Variants in LGR5 observed in about 807,000 individuals in gnomAD.
The protein encoded by LGR5 is leucine-rich repeat-containing G protein-coupled receptor 5.
In LGR5, 54 loss-of-function variants were observed where a neutral mutation model predicts 76.7. That is an observed-to-expected ratio of 0.70 (90% confidence interval 0.57 to 0.88). The LOEUF (loss-of-function observed/expected upper bound fraction) is 0.88. LGR5 is among the 40% of genes least tolerant of loss of function. The probability of loss-of-function intolerance (pLI) is 0.00; values close to 1 mark genes in which losing one functional copy is unlikely to be tolerated. For missense variants in LGR5, 1,078 were observed against 1,073.3 expected (o/e 1.00, Z -0.06); for synonymous variants, 406 against 421.9 (o/e 0.96, Z 0.46).
At chr12:71,522,129 C>G (rs1350077550) in intron 2 of LGR5, among the ~76,000 whole-genome samples, 1 of 152,180 alleles carries the variant, frequency 6.6e-6, no homozygotes, top group Non-Finnish European at 1.5e-5. Flanking sequence ...TAGTCTGGTT[C>G]AGTTCTAGCA....
chr12:71,519,396 A>G (rs564145830), intron 2 of LGR5, among the ~76,000 whole-genome samples: 9 of 152,164 alleles, frequency 5.9e-5, no homozygotes, highest in African/African-American at 2.2e-4. Context: ...ATGTTATATT[A>G]TTCACTTGAG....
intron 1 of LGR5, among the ~76,000 whole-genome samples, chr12:71,444,117 G>A (rs1425499925): frequency 2.6e-5 from 4 of 151,868 alleles, no homozygotes; most frequent in Admixed American, 2.6e-4. Flanking sequence ...TCCTTTTTAG[G>A]ATCTTCTTTG....
chr12:71,560,784 T>C (rs1454969978), intron 7 of LGR5, among the ~76,000 whole-genome samples: 1 of 152,120 alleles, frequency 6.6e-6, no homozygotes, highest in African/African-American at 2.4e-5. Context: ...CAGAACAAGA[T>C]TCTGTCTCAA....
intron 4 of LGR5, among the ~76,000 whole-genome samples, chr12:71,552,090 G>C (rs939897539): frequency 2.0e-4 from 31 of 151,906 alleles, no homozygotes; most frequent in Non-Finnish European, 3.4e-4. Context: ...GTCGGCAGGT[G>C]GGGGGCAAGG....
At chr12:71,465,814 G>T (rs561368520) in intron 1 of LGR5, among the ~76,000 whole-genome samples, 1 of 152,148 alleles carries the variant, frequency 6.6e-6, no homozygotes, top group Non-Finnish European at 1.5e-5. Context: ...GTAATCCAAA[G>T]CACAGAAATT....
chr12:71,439,999 G>C lies in LGR5; in HGVS notation c.-82G>C. 1 of 1,379,938 alleles carries C rather than the reference G, an allele frequency of 7.2e-7. No homozygotes were observed. The allele number at this position is 1,379,938 out of a possible 1,614,324, so 85.5% of individuals were successfully genotyped here. ...GCTGAGTTGCAGAAGCCCACGGAGC[G>C]GCGCCCGGCGCGCCACGGCCCGTAG... On this transcript the variant is annotated 5_prime_UTR_variant, in exon 1 of 18. Transcript: ENST00000266674.
intron 4 of LGR5, among the ~76,000 whole-genome samples, chr12:71,543,206 G>A (rs1278631519): frequency 6.6e-6 from 1 of 152,184 alleles, no homozygotes. Flanking sequence ...TAGTTTAACT[G>A]TAACCTGCAT....
chr12:71,505,183 C>T (rs1874793802), intron 2 of LGR5, among the ~76,000 whole-genome samples: 1 of 152,070 alleles, frequency 6.6e-6, no homozygotes, highest in Admixed American at 6.6e-5. Context: ...ATTTAGCTTC[C>T]CTCAAGGCTT....
In LGR5 at chr12:71,583,783, C is replaced by A. The variant is rs1565782809; in HGVS notation, c.1773C>A (p.Pro591=). The part of the protein sequence containing the change: ...TVFRSPLYIS[P]IKLLIGVIAA... Reference sequence around the variant, plus strand: ...TCAGATCCCCTCTGTACATTTCCCCCATTAAACTGTTAATTGGGGTCATCG... The same window carrying A: ...TCAGATCCCCTCTGTACATTTCCCCAATTAAACTGTTAATTGGGGTCATCG... The change falls in exon 18 of 18, where the codon CCC becomes CCA. Residue 591 remains proline (P), a synonymous_variant. Coordinates refer to ENST00000266674, the MANE Select transcript of LGR5 (RefSeq NM_003667.4). The A allele has an allele frequency of 6.2e-7, 1 of 1,614,102 alleles. No homozygotes were observed. Among genetic ancestry groups the A allele is most frequent in the Admixed American group, 1.7e-5 (1 of 60,020 alleles).
intron 11 of LGR5, 107 bp from the exon 12 acceptor site, chr12:71,571,407 T>C (rs922577048): frequency 2.8e-6 from 2 of 707,760 alleles, no homozygotes; most frequent in Middle Eastern, 3.9e-4. Context: ...ATGTTCAGAG[T>C]CTGCCTTTGG....
intron 1 of LGR5, among the ~76,000 whole-genome samples, chr12:71,453,895 T>G (rs892221712): frequency 6.6e-6 from 1 of 152,112 alleles, no homozygotes; most frequent in Non-Finnish European, 1.5e-5. Context: ...CAGTCAGTGA[T>G]GGCGATGAGG....
intron 2 of LGR5, 61 bp from the exon 3 acceptor site, chr12:71,524,339 TAACAAC>T: frequency 8.7e-7 from 1 of 1,144,622 alleles, no homozygotes; most frequent in Non-Finnish European, 1.3e-6. Flanking sequence ...TGCATTTTTT[TAACAAC>T]TAAATGACTT....
At chr12:71,508,815 G>C (rs1419225324) in intron 2 of LGR5, among the ~76,000 whole-genome samples, 3 of 141,010 alleles carry the variant, frequency 2.1e-5, no homozygotes, top group African/African-American at 8.0e-5. Flanking sequence ...GTTACAGAAA[G>C]TATTTCAGAA....
chr12:71,559,491 T>C (rs577393699), intron 6 of LGR5, 95 bp from the exon 7 acceptor site: 11 of 690,896 alleles, frequency 1.6e-5, no homozygotes, highest in Non-Finnish European at 2.8e-5. Context: ...ATTAGTCATA[T>C]GGGTTCCTTG....
At chr12:71,466,871 G>T (rs1432359383) in intron 1 of LGR5, among the ~76,000 whole-genome samples, 1 of 152,050 alleles carries the variant, frequency 6.6e-6, no homozygotes, top group Non-Finnish European at 1.5e-5. Context: ...CGTCCTCCTT[G>T]GAAATAGGCA....
intron 1 of LGR5, among the ~76,000 whole-genome samples, chr12:71,490,682 G>T (rs1047543070): frequency 2.6e-5 from 4 of 152,108 alleles, no homozygotes; most frequent in African/African-American, 7.2e-5. Flanking sequence ...CTGGCCACTA[G>T]ATCTAACTGG....
chr12:71,478,973 AT>A (rs1283936966), intron 1 of LGR5, among the ~76,000 whole-genome samples: 1 of 152,198 alleles, frequency 6.6e-6, no homozygotes, highest in Non-Finnish European at 1.5e-5. Flanking sequence ...CACGAAGGAC[AT>A]TTTCACTTTA....
At chr12:71,574,786 T>C (rs1878776615) in intron 13 of LGR5, among the ~76,000 whole-genome samples, 1 of 151,980 alleles carries the variant, frequency 6.6e-6, no homozygotes, top group Admixed American at 6.6e-5. Context: ...CCATGACTTG[T>C]CCCCCTGCCC....
At chr12:71,522,830 C>T (rs1875793420) in intron 2 of LGR5, among the ~76,000 whole-genome samples, 1 of 151,906 alleles carries the variant, frequency 6.6e-6, no homozygotes, top group East Asian at 1.9e-4. Flanking sequence ...TGGAAGGGAC[C>T]CAAGAAGACA....
Sources: allele counts gnomAD v4.1 joint callset (sites outside exome capture counted in the v4.1 genomes callset), GRCh38; gene constraint gnomAD v4.1.1; transcripts MANE v1.5; gene names NCBI Gene and HGNC (gene_info 2026-07-23, HGNC 2026-07-21).